EDEM3: variants seen among roughly 807,000 people sequenced by gnomAD.
The protein encoded by EDEM3 is ER degradation enhancing alpha-mannosidase like protein 3.
In EDEM3, 60 loss-of-function variants were observed where a neutral mutation model predicts 110.2. That is an observed-to-expected ratio of 0.54 (90% CI 0.44 to 0.67). The LOEUF (loss-of-function observed/expected upper bound fraction) is 0.67. EDEM3 is among the 30% of genes least tolerant of loss of function. The pLI, the probability that EDEM3 is intolerant of heterozygous loss-of-function variation, is 0.00. For missense variants in EDEM3, 996 were observed against 1,121.0 expected (o/e 0.89, Z 1.59); for synonymous variants, 352 against 382.9 (o/e 0.92, Z 0.94).
rs1649055544 is a variant in EDEM3 at position 184,691,354 on chromosome 1, T to C, written c.*2709A>G. 6.6e-6 allele frequency: 1 copy of C among 152,538 alleles called. No individual in the cohort carries two copies. The highest frequency in any genetic ancestry group is 1.5e-5 in the Non-Finnish European group (1 of 67,960). The allele number at this position is 152,538 out of a possible 1,614,324, so 9.4% of individuals were successfully genotyped here. A position where few individuals can be genotyped will look rare whatever the true frequency, so the allele number is the denominator to read the frequency against. On this transcript the variant is annotated 3_prime_UTR_variant, in exon 20 of 20. Transcript: ENST00000318130. ...TTTAGTAGGTAAACAGGTTAAGTTT[T>C]AAAACTTGAAAATACCTGAATTAAA... is the stretch of plus-strand genomic sequence containing the variant.
At chr1:184,695,810 GATTT>G (rs1200084617) in intron 19 of EDEM3, among the ~76,000 whole-genome samples, 2 of 151,964 alleles carry the variant, frequency 1.3e-5, no homozygotes, top group Non-Finnish European at 2.9e-5. Flanking sequence ...GAGGGAAGAG[GATTT>G]ATTTAAAAAC....
chr1:184,702,695 TTTAC>T, intron 19 of EDEM3, 112 bp downstream of exon 19: 1 of 634,710 alleles, frequency 1.6e-6, no homozygotes, highest in Non-Finnish European at 2.4e-6. Flanking sequence ...TTCTAAAAGT[TTTAC>T]TTGTTTTCAC....
intron 6 of EDEM3, among the ~76,000 whole-genome samples, chr1:184,731,551 C>T (rs1247356030): frequency 6.6e-6 from 1 of 152,206 alleles, no homozygotes; most frequent in East Asian, 1.9e-4. Flanking sequence ...CGGTTCTCCT[C>T]TTAAATCTCT....
At chr1:184,737,759 C>A in intron 2 of EDEM3, 48 bp from the exon 3 acceptor site, 1 of 1,504,628 alleles carries the variant, frequency 6.6e-7, no homozygotes, top group Non-Finnish European at 9.2e-7. Context: ...AGCGAAAGCA[C>A]ACATCATTTT....
intron 13 of EDEM3, among the ~76,000 whole-genome samples, chr1:184,714,531 G>C (rs1238155156): frequency 6.6e-6 from 1 of 152,150 alleles, no homozygotes; most frequent in Non-Finnish European, 1.5e-5. Flanking sequence ...CAGTGATAGT[G>C]CTTAGATCTA....
intron 7 of EDEM3, among the ~76,000 whole-genome samples, chr1:184,725,268 T>C (rs575388102): frequency 1.3e-5 from 2 of 152,208 alleles, no homozygotes; most frequent in East Asian, 1.9e-4. Flanking sequence ...CAGAAAGACA[T>C]GGATTCTAAT....
In EDEM3 at chr1:184,710,503, C is replaced by T. The variant is rs140549505; in HGVS notation, c.1736G>A (p.Arg579Lys). ...CTCAGGGTTAGTGGCCATGAAATCT[C>T]TGGCTCTCAGAGGGGGTTTAGCTCC... ...RSGAKPPLRA[R>K]DFMATNPEHL... Residue 579 changes from arginine to lysine, a missense_variant, in exon 16 of 20, where the codon AGA (arginine) becomes AAA (lysine). Around this residue, in one of 5 missense-constraint regions of EDEM3, gnomAD observed 138 missense variants for 124.3 expected, o/e 1.11. Coordinates refer to ENST00000318130, the MANE Select transcript of EDEM3 (RefSeq NM_025191.4). 4.6e-5 allele frequency: 74 copies of T among 1,613,802 alleles called. 1 individual carries two copies. The highest frequency in any genetic ancestry group is 1.6e-4 in the Middle Eastern group (1 of 6,082).
chr1:184,694,090 A>C lies in EDEM3; in HGVS notation c.2772T>G (p.Phe924Leu). 1 of 1,612,724 alleles carries C rather than the reference A, an allele frequency of 6.2e-7. No homozygotes were observed. The highest frequency in any genetic ancestry group is 1.1e-5 in the South Asian group (1 of 91,006). ...ATAGCTCATCCTTCTCCATCATTTC[A>C]AATGCTTCTATATCTTCATTCCAGT... is the stretch of plus-strand genomic sequence containing the variant. ...LADWNEDIEA[F>L]EMMEKDEL is the part of the protein sequence containing the mutation. Residue 924 changes from phenylalanine to leucine, a missense_variant, in exon 20 of 20, where the codon TTT (phenylalanine) becomes TTG (leucine). By Grantham distance (22) the Phe-to-Leu change is conservative. This residue lies in a region of EDEM3 where 345 missense variants were observed against 402.0 expected (regional missense o/e 0.86). Transcript: ENST00000318130.
chr1:184,738,894 A>G (rs1651978896), intron 2 of EDEM3, among the ~76,000 whole-genome samples: 2 of 151,966 alleles, frequency 1.3e-5, no homozygotes, highest in South Asian at 2.1e-4. Flanking sequence ...TCTTGCTTTC[A>G]CCTTATGGTT....
chr1:184,694,097 T>G lies in EDEM3; in HGVS notation c.2765A>C (p.Glu922Ala). Reference sequence around the variant, plus strand: ...ATCCTTCTCCATCATTTCAAATGCTTCTATATCTTCATTCCAGTCTGCTAA... The same window carrying G: ...ATCCTTCTCCATCATTTCAAATGCTGCTATATCTTCATTCCAGTCTGCTAA... ...SILADWNEDI[E>A]AFEMMEKDEL is the part of the protein sequence containing the mutation. Residue 922 changes from glutamate to alanine, a missense_variant, in exon 20 of 20, where the codon GAA (glutamate) becomes GCA (alanine). Glu to Ala is a moderately radical substitution (Grantham distance 107). This residue lies in a region of EDEM3 where 345 missense variants were observed against 402.0 expected (regional missense o/e 0.86). Transcript: ENST00000318130. 6.2e-7 allele frequency: 1 copy of G among 1,613,104 alleles called. No individual in the cohort carries two copies. The highest frequency in any genetic ancestry group is 8.5e-7 in the Non-Finnish European group (1 of 1,179,444).
At chr1:184,749,494 C>CT in intron 2 of EDEM3, 53 bp downstream of exon 2, 1 of 1,323,188 alleles carries the variant, frequency 7.6e-7, no homozygotes, top group Admixed American at 2.4e-5. Flanking sequence ...TGACTGTGCT[C>CT]ACATAATAAT....
At position 184,692,599 on chromosome 1, in the gene EDEM3, G is replaced by A. The variant is rs977191475; in HGVS notation, c.*1464C>T. ...AGGAAAAAGTTTTGTGTAATGTTAT[G>A]GTAAAGAGAAGAAAATTATGTCTCT... is the stretch of plus-strand genomic sequence containing the variant. On this transcript the variant is annotated 3_prime_UTR_variant, in exon 20 of 20. Coordinates refer to ENST00000318130, the MANE Select transcript of EDEM3 (RefSeq NM_025191.4). 6.6e-6 allele frequency: 1 copy of A among 151,892 alleles called. No individual in the cohort carries two copies. The highest frequency in any genetic ancestry group is 2.4e-5 in the African/African-American group (1 of 41,364). 9.4% of individuals were successfully genotyped at this position (151,892 alleles called of 1,614,324 possible). A position where few individuals can be genotyped will look rare whatever the true frequency, so the allele number is the denominator to read the frequency against.
In EDEM3 at chr1:184,706,717, T is replaced by G; in HGVS notation, c.2129A>C (p.Gln710Pro). 1 of 1,614,024 alleles carries G rather than the reference T, an allele frequency of 6.2e-7. No homozygotes were observed. The highest frequency in any genetic ancestry group is 8.5e-7 in the Non-Finnish European group (1 of 1,179,910). The change falls in exon 18 of 20, where the codon CAA becomes CCA. Residue 710 changes from glutamine (Q) to proline (P), a missense_variant. By Grantham distance (76) the Gln-to-Pro change is moderately conservative. This residue lies in a region of EDEM3 where 345 missense variants were observed against 402.0 expected (regional missense o/e 0.86). Transcript: ENST00000318130. Reference sequence around the variant, plus strand: ...TTCTGCAAACATGCACTGTCCTCTTTGTATCAGTGCGATTTTTCCCATCAC... The same window carrying G: ...TTCTGCAAACATGCACTGTCCTCTTGGTATCAGTGCGATTTTTCCCATCAC... ...EAVMGKIALI[Q>P]RGQCMFAEKA... is the part of the protein sequence containing the mutation.
chr1:184,742,207 T>C (rs1652183649), intron 2 of EDEM3, among the ~76,000 whole-genome samples: 1 of 152,118 alleles, frequency 6.6e-6, no homozygotes, highest in African/African-American at 2.4e-5. Flanking sequence ...GGTTAAAGAA[T>C]ACTTTGCATT....
At chr1:184,699,088 T>A (rs141932905) in intron 19 of EDEM3, among the ~76,000 whole-genome samples, 2 of 151,696 alleles carry the variant, frequency 1.3e-5, no homozygotes, top group East Asian at 3.9e-4. Context: ...ATGGAGAAAA[T>A]CTCAAAATAC....
Position 184,754,659 on chromosome 1 carries a change from C to A in EDEM3, c.-13G>T. On this transcript the variant is annotated 5_prime_UTR_variant, in exon 1 of 20. Transcript: ENST00000318130. Reference sequence around the variant, plus strand: ...CGGCTTCGCTCATGGCCCCGCGGTTCCGCGCACGCGCAGCTGCTACGCCCG... The same window carrying A: ...CGGCTTCGCTCATGGCCCCGCGGTTACGCGCACGCGCAGCTGCTACGCCCG... The A allele has an allele frequency of 6.5e-7, 1 of 1,540,018 alleles. No individual in the cohort carries two copies. Among genetic ancestry groups the A allele is most frequent in the Non-Finnish European group, 8.7e-7 (1 of 1,144,628 alleles).
intron 2 of EDEM3, among the ~76,000 whole-genome samples, chr1:184,739,258 AAATTT>A (rs1249353068): frequency 2.0e-5 from 3 of 149,024 alleles, no homozygotes; most frequent in Admixed American, 1.3e-4. Context: ...TAAAATAATT[AAATTT>A]AAATTAATTT....
intron 19 of EDEM3, among the ~76,000 whole-genome samples, chr1:184,694,780 T>C (rs552667486): frequency 1.3e-5 from 2 of 152,142 alleles, no homozygotes; most frequent in East Asian, 3.9e-4. Context: ...CCAATAATAA[T>C]ATTAAAATAT....
In EDEM3 at chr1:184,706,735, C is replaced by T. The variant is rs762765199; in HGVS notation, c.2111G>A (p.Gly704Glu). 2 of 1,613,946 alleles carry T rather than the reference C, an allele frequency of 1.2e-6. No homozygotes were observed. The highest frequency in any genetic ancestry group is 2.7e-5 in the African/African-American group (2 of 75,034). The change falls in exon 18 of 20, where the codon GGA becomes GAA. Residue 704 changes from glycine (G) to glutamate (E), a missense_variant. Around this residue, in one of 5 missense-constraint regions of EDEM3, gnomAD observed 345 missense variants for 402.0 expected, o/e 0.86. Coordinates refer to ENST00000318130, the MANE Select transcript of EDEM3 (RefSeq NM_025191.4). The stretch of plus-strand genomic sequence containing the variant: ...TCCTCTTTGTATCAGTGCGATTTTT[C>T]CCATCACTGCCTCTGGGTTAGTAAG... ...SELTNPEAVM[G>E]KIALIQRGQC...
Sources: gnomAD v4.1 joint callset for allele counts (sites outside exome capture counted in the v4.1 genomes callset) on GRCh38, gnomAD v4.1.1 for gene constraint, gnomAD v4.1.1 regional missense constraint, MANE v1.5 for transcripts, NCBI Gene and HGNC (gene_info 2026-07-23, HGNC 2026-07-21) for gene names.